The following PEX5L variants were observed in gnomAD, a reference collection of about 807,000 sequenced individuals.
PEX5L encodes the protein PEX5-related protein.
Under a neutral mutation model 84.0 loss-of-function variants are expected in PEX5L, and 30 were observed. The observed-to-expected ratio is 0.36, with a 90% CI of 0.27 to 0.48. PEX5L has a LOEUF of 0.48. Among genes scored for constraint, PEX5L ranks in the 20% least tolerant of loss-of-function variants. The pLI is 0.99. For synonymous variants in PEX5L, 270 were observed against 283.1 expected (o/e 0.95, Z 0.46); for missense variants, 533 against 754.6 (o/e 0.71, Z 3.44).
intron 8 of PEX5L, among the ~76,000 whole-genome samples, chr3:179,825,975 T>C (rs1730340141): frequency 6.6e-6 from 1 of 152,194 alleles, no homozygotes; most frequent in Admixed American, 6.5e-5. Context: ...AACAAAAATA[T>C]TGGTACTAGC....
chr3:179,857,192 G>A (rs1009977525), intron 8 of PEX5L, among the ~76,000 whole-genome samples: 1 of 152,180 alleles, frequency 6.6e-6, no homozygotes, highest in African/African-American at 2.4e-5. Flanking sequence ...TTAGTGACAA[G>A]TTGGGATAAC....
intron 4 of PEX5L, among the ~76,000 whole-genome samples, chr3:179,883,131 CGTGTGTGTATGCACAT>C (rs1032605985): frequency 2.1e-4 from 32 of 152,010 alleles, no homozygotes; most frequent in Non-Finnish European, 4.1e-4. Flanking sequence ...AAAGTGTGTG[CGTGTGTGTATGCACAT>C]GTGTGTGTAT....
At chr3:179,881,103 C>A (rs534776942) in intron 4 of PEX5L, 17 of 152,394 alleles carry the variant, frequency 1.1e-4, no homozygotes, top group African/African-American at 4.1e-4. Flanking sequence ...AAAGAAACCA[C>A]TTGCATTAAC....
At chr3:179,890,688 C>CA (rs1232220953) in intron 3 of PEX5L, among the ~76,000 whole-genome samples, 2 of 151,588 alleles carry the variant, frequency 1.3e-5, no homozygotes, top group African/African-American at 4.8e-5. Flanking sequence ...AACAAACAAA[C>CA]AAAAAAAACT....
intron 2 of PEX5L, among the ~76,000 whole-genome samples, chr3:179,911,850 T>C (rs1219658236): frequency 6.6e-6 from 1 of 152,150 alleles, no homozygotes; most frequent in African/African-American, 2.4e-5. Context: ...CCAACCACAG[T>C]TATATAATCA....
intron 5 of PEX5L, among the ~76,000 whole-genome samples, chr3:179,878,015 C>T (rs1341450782): frequency 6.6e-6 from 1 of 152,188 alleles, no homozygotes; most frequent in Non-Finnish European, 1.5e-5. Context: ...TCCATTCACA[C>T]ACAGGCTTCT....
chr3:179,934,001 T>C (rs868028474), intron 2 of PEX5L, among the ~76,000 whole-genome samples: 2 of 152,160 alleles, frequency 1.3e-5, no homozygotes, highest in Non-Finnish European at 2.9e-5. Flanking sequence ...GAAGACCCAA[T>C]GGGACACAAA....
chr3:179,829,739 T>C (rs1731931254), intron 8 of PEX5L, among the ~76,000 whole-genome samples: 1 of 151,944 alleles, frequency 6.6e-6, no homozygotes. Context: ...TGTAATATTT[T>C]CCTTGGTGAT....
At chr3:179,855,719 T>G (rs531730324) in intron 8 of PEX5L, among the ~76,000 whole-genome samples, 1 of 152,274 alleles carries the variant, frequency 6.6e-6, no homozygotes, top group Non-Finnish European at 1.5e-5. Context: ...TGAATGGGAT[T>G]AGTGCCCTTA....
chr3:180,015,145 T>C (rs1459338071), intron 1 of PEX5L, among the ~76,000 whole-genome samples: 2 of 152,194 alleles, frequency 1.3e-5, no homozygotes, highest in Non-Finnish European at 2.9e-5. Context: ...TAGCAGAGCC[T>C]TAGAGAAATG....
At chr3:179,860,128 T>C (rs1356184369) in intron 7 of PEX5L, among the ~76,000 whole-genome samples, 1 of 53,516 alleles carries the variant, frequency 1.9e-5, no homozygotes, top group Non-Finnish European at 5.3e-5. Flanking sequence ...TTGTTTTTTG[T>C]TTTTTTTGGT....
chr3:179,979,544 C>G (rs1458087550), intron 1 of PEX5L, among the ~76,000 whole-genome samples: 1 of 152,172 alleles, frequency 6.6e-6, no homozygotes, highest in Non-Finnish European at 1.5e-5. Flanking sequence ...TTAACCCTGT[C>G]ATCCCCGACA....
intron 1 of PEX5L, among the ~76,000 whole-genome samples, chr3:179,983,096 G>A (rs1786483688): frequency 6.6e-6 from 1 of 151,756 alleles, no homozygotes; most frequent in Non-Finnish European, 1.5e-5. Flanking sequence ...CAAAAAAGTT[G>A]TATAACTACT....
intron 1 of PEX5L, among the ~76,000 whole-genome samples, chr3:180,006,366 A>ATTT (rs67924478): frequency 6.6e-6 from 1 of 151,234 alleles, no homozygotes; most frequent in African/African-American, 2.4e-5. Context: ...AGTTTTCATT[A>ATTT]TTTTTTTTTC....
chr3:180,021,313 A>G (rs1264507089), intron 1 of PEX5L, among the ~76,000 whole-genome samples: 1 of 152,178 alleles, frequency 6.6e-6, no homozygotes, highest in East Asian at 1.9e-4. Context: ...TGTAGATGAG[A>G]AAACAGCAAA....
chr3:179,894,178 G>C (rs1037234606), intron 3 of PEX5L, among the ~76,000 whole-genome samples: 4 of 151,964 alleles, frequency 2.6e-5, no homozygotes, highest in African/African-American at 9.7e-5. Flanking sequence ...AATTTATTCG[G>C]TGTCTGTCAA....
intron 2 of PEX5L, among the ~76,000 whole-genome samples, chr3:179,916,756 GCCT>G (rs1424400826): frequency 6.6e-6 from 1 of 151,994 alleles, no homozygotes; most frequent in East Asian, 1.9e-4. Context: ...TGCAACCTCT[GCCT>G]CCTAAGTTCA....
rs796569246 is a variant in PEX5L at position 179,795,753 on chromosome 3, A to G, written c.*6075T>C. ...GAAGCATCACAGAAGAATTGTCTCA[A>G]AACAACATTTTTAGATTAGATTAGA... On this transcript the variant is annotated 3_prime_UTR_variant, in exon 15 of 15. Transcript: ENST00000467460. The G allele has an allele frequency of 1.8e-4, 27 of 152,338 alleles. No individual in the cohort carries two copies. The highest frequency in any genetic ancestry group is 6.5e-4 in the African/African-American group (27 of 41,584). 9.4% of individuals were successfully genotyped at this position (152,338 alleles called of 1,614,324 possible). A position where few individuals can be genotyped will look rare whatever the true frequency, so the allele number is the denominator to read the frequency against.
chr3:179,817,327 G>A (rs1726539931), intron 9 of PEX5L, among the ~76,000 whole-genome samples: 1 of 151,994 alleles, frequency 6.6e-6, no homozygotes, highest in South Asian at 2.1e-4. Context: ...CTTAGGCCTC[G>A]CTTAGTTTTA....
Sources: gnomAD v4.1 joint callset for allele counts (sites outside exome capture counted in the v4.1 genomes callset) on GRCh38, gnomAD v4.1.1 for gene constraint, MANE v1.5 for transcripts, NCBI Gene and HGNC (gene_info 2026-07-23, HGNC 2026-07-21) for gene names.